DLGAP2: variants seen among roughly 807,000 people sequenced by gnomAD.
The protein encoded by DLGAP2 is DLG associated protein 2.
DLGAP2 carries 26 observed loss-of-function variants against 100.3 expected under a neutral mutation model. The observed-to-expected ratio is 0.26, with a 90% CI of 0.19 to 0.36. The LOEUF (loss-of-function observed/expected upper bound fraction) is 0.36, where lower values mean the gene tolerates loss of function less well. DLGAP2 is among the 10% of genes least tolerant of loss of function. DLGAP2 has a pLI of 1.00. For synonymous variants in DLGAP2, 886 were observed against 630.1 expected (o/e 1.41, Z -6.08); for missense variants, 1,858 against 1,453.2 (o/e 1.28, Z -4.53).
chr8:1,156,743 C>T (rs1032823509), intron 2 of DLGAP2, among the ~76,000 whole-genome samples: 2 of 152,074 alleles, frequency 1.3e-5, no homozygotes, highest in Non-Finnish European at 2.9e-5. Context: ...TCAGCACCCC[C>T]GTTTGGTGCC....
At chr8:1,074,396 C>T (rs1297471705) in intron 2 of DLGAP2, among the ~76,000 whole-genome samples, 1 of 152,258 alleles carries the variant, frequency 6.6e-6, no homozygotes, top group Non-Finnish European at 1.5e-5. Flanking sequence ...CACAGAATTT[C>T]TCTTCAGCCT....
At position 1,382,554 on chromosome 8, in the gene DLGAP2, A is replaced by G. The variant is rs143676807; in HGVS notation, c.107-118812A>G. On this transcript the variant is annotated intron_variant, in intron 3 of 14. Transcript: ENST00000637795. ...AGTTTGAGACCAACCTGGGCAACAC[A>G]GTGAGACCCCATCTCTACAAAAAAA... Among the ~76,000 whole-genome samples the G allele has an allele frequency of 1.3e-3, 192 of 152,332 alleles. 3 individuals are homozygous for G. The highest frequency in any genetic ancestry group is 4.3e-3 in the African/African-American group (180 of 41,586).
At chr8:989,936 A>G (rs1392089909) in intron 2 of DLGAP2, among the ~76,000 whole-genome samples, 1 of 152,120 alleles carries the variant, frequency 6.6e-6, no homozygotes, top group Non-Finnish European at 1.5e-5. Context: ...ATGCAGTGAA[A>G]TGTCGCTGTT....
At chr8:961,880 A>G (rs1799733055) in intron 2 of DLGAP2, among the ~76,000 whole-genome samples, 1 of 152,200 alleles carries the variant, frequency 6.6e-6, no homozygotes, top group South Asian at 2.1e-4. Flanking sequence ...GGACTCGGGA[A>G]GTCTTCATAG....
intron 6 of DLGAP2, among the ~76,000 whole-genome samples, chr8:1,596,337 G>A (rs1232748659): frequency 6.6e-6 from 1 of 152,132 alleles, no homozygotes; most frequent in Non-Finnish European, 1.5e-5. Flanking sequence ...AAACATACAT[G>A]TGCATGTGTC....
intron 4 of DLGAP2, among the ~76,000 whole-genome samples, chr8:1,532,136 C>G (rs995177694): frequency 6.6e-6 from 1 of 152,154 alleles, no homozygotes; most frequent in Non-Finnish European, 1.5e-5. Flanking sequence ...AGAGGGATGA[C>G]TTTGAATAGA....
chr8:1,138,417 C>T (rs553779712), intron 2 of DLGAP2, among the ~76,000 whole-genome samples: 1 of 152,344 alleles, frequency 6.6e-6, no homozygotes, highest in South Asian at 2.1e-4. Flanking sequence ...GGCTTCTCCC[C>T]TGCTGAACCT....
chr8:861,690 G>C (rs1797394554), intron 1 of DLGAP2, among the ~76,000 whole-genome samples: 1 of 152,240 alleles, frequency 6.6e-6, no homozygotes, highest in Admixed American at 6.5e-5. Context: ...ATATTTCACA[G>C]TGTTAGCTAT....
intron 2 of DLGAP2, chr8:1,002,721 CTG>C (rs1315397256): frequency 6.6e-6 from 1 of 152,246 alleles, no homozygotes; most frequent in Non-Finnish European, 1.5e-5. Context: ...CAAACTGAAA[CTG>C]AGAAGTCGTG....
chr8:1,689,737 C>T (rs1450098023), intron 12 of DLGAP2, among the ~76,000 whole-genome samples: 2 of 152,144 alleles, frequency 1.3e-5, no homozygotes, highest in Admixed American at 6.5e-5. Context: ...GAAGGGCCCA[C>T]GCTGAAAGCC....
intron 6 of DLGAP2, among the ~76,000 whole-genome samples, chr8:1,592,613 T>C (rs1796325455): frequency 6.6e-6 from 1 of 152,186 alleles, no homozygotes; most frequent in Non-Finnish European, 1.5e-5. Context: ...ATTGCATTAC[T>C]GGACAACTTC....
intron 4 of DLGAP2, among the ~76,000 whole-genome samples, chr8:1,536,902 G>A (rs1031564317): frequency 2.0e-5 from 3 of 152,134 alleles, no homozygotes; most frequent in East Asian, 1.9e-4. Flanking sequence ...GCTCACAGTC[G>A]CTAATATGTC....
intron 1 of DLGAP2, among the ~76,000 whole-genome samples, chr8:864,413 G>T (rs1308430569): frequency 6.6e-6 from 1 of 152,208 alleles, no homozygotes; most frequent in Non-Finnish European, 1.5e-5. Context: ...ATTGCACAAA[G>T]TCTCTGTGGA....
chr8:754,717 C>T (rs1168010406), intron 1 of DLGAP2, among the ~76,000 whole-genome samples: 1 of 152,076 alleles, frequency 6.6e-6, no homozygotes, highest in Non-Finnish European at 1.5e-5. Flanking sequence ...GTGGTGTGCA[C>T]CAGTAATCCG....
chr8:1,243,550 T>C (rs73529867), intron 2 of DLGAP2, among the ~76,000 whole-genome samples: 6,881 of 152,306 alleles, frequency 0.045, 543 homozygotes, highest in African/African-American at 0.16. Flanking sequence ...TTATTTTTTC[T>C]TCTCGCTCAC....
At chr8:1,330,145 G>A (rs1164630154) in intron 3 of DLGAP2, among the ~76,000 whole-genome samples, 2 of 152,224 alleles carry the variant, frequency 1.3e-5, no homozygotes, top group African/African-American at 2.4e-5. Context: ...GAGTGAGGAG[G>A]TGGTGGCAGG....
At chr8:1,134,322 G>T (rs1796358259) in intron 2 of DLGAP2, among the ~76,000 whole-genome samples, 1 of 152,178 alleles carries the variant, frequency 6.6e-6, no homozygotes, top group Non-Finnish European at 1.5e-5. Flanking sequence ...GTGGTAGAAC[G>T]ATGTATATTC....
chr8:995,843 C>T (rs1315079301), intron 2 of DLGAP2, among the ~76,000 whole-genome samples: 1 of 152,110 alleles, frequency 6.6e-6, no homozygotes, highest in Admixed American at 6.5e-5. Context: ...GGAAGTGAGA[C>T]GTGTCTCTCC....
chr8:850,995 C>T (rs887656207), intron 1 of DLGAP2, among the ~76,000 whole-genome samples: 1 of 152,088 alleles, frequency 6.6e-6, no homozygotes, highest in Non-Finnish European at 1.5e-5. Flanking sequence ...ATGTGATGAA[C>T]AAGTAGAGAC....
Sources: gnomAD v4.1 joint callset for allele counts (sites outside exome capture counted in the v4.1 genomes callset) on GRCh38, gnomAD v4.1.1 for gene constraint, MANE v1.5 for transcripts, NCBI Gene and HGNC (gene_info 2026-07-23, HGNC 2026-07-21) for gene names.